The following PCDH15 variants were observed in gnomAD, a reference collection of about 807,000 sequenced individuals.
PCDH15 encodes the protein protocadherin related 15.
A neutral mutation model predicts 178.5 loss-of-function variants in PCDH15; 129 were observed. That is an observed-to-expected ratio of 0.72 (90% CI 0.63 to 0.84). The LOEUF is 0.84. Ranked by LOEUF, PCDH15 falls within the 40% of genes least tolerant of loss-of-function variation. The probability of loss-of-function intolerance (pLI) is 0.00; values close to 1 mark genes in which losing one functional copy is unlikely to be tolerated. For synonymous variants in PCDH15, 800 were observed against 732.0 expected (o/e 1.09, Z -1.50); for missense variants, 2,230 against 2,099.9 (o/e 1.06, Z -1.21).
At chr10:53,827,824 G>A (rs2076783510) in intron 31 of PCDH15, among the ~76,000 whole-genome samples, 1 of 152,072 alleles carries the variant, frequency 6.6e-6, no homozygotes, top group Non-Finnish European at 1.5e-5. Flanking sequence ...TAATCTTAGA[G>A]AAAGCAAAAT....
chr10:53,861,553 C>T (rs2079108531), intron 27 of PCDH15, among the ~76,000 whole-genome samples: 1 of 151,974 alleles, frequency 6.6e-6, no homozygotes, highest in Non-Finnish European at 1.5e-5. Flanking sequence ...ACAATGTGAG[C>T]CACGAATACA....
intron 3 of PCDH15, among the ~76,000 whole-genome samples, chr10:54,847,269 G>A (rs964356742): frequency 9.2e-5 from 14 of 152,028 alleles, no homozygotes; most frequent in African/African-American, 3.1e-4. Context: ...AACTTCACAT[G>A]TTTTAAATGA....
intron 2 of PCDH15, among the ~76,000 whole-genome samples, chr10:55,039,179 G>A (rs948114751): frequency 6.6e-6 from 1 of 151,778 alleles, no homozygotes; most frequent in African/African-American, 2.4e-5. Flanking sequence ...GAAAAAACAT[G>A]TAAATCTCTC....
intron 25 of PCDH15, among the ~76,000 whole-genome samples, chr10:53,913,246 A>G (rs988352560): frequency 6.6e-6 from 1 of 152,198 alleles, no homozygotes; most frequent in African/African-American, 2.4e-5. Flanking sequence ...ATATGTAGAA[A>G]GCTGAAACTG....
At chr10:55,216,607 C>G (rs1441339551) in intron 1 of PCDH15, among the ~76,000 whole-genome samples, 1 of 150,894 alleles carries the variant, frequency 6.6e-6, no homozygotes, top group East Asian at 1.9e-4. Context: ...GTTCTCATCA[C>G]AAAAAAAATG....
At chr10:54,613,325 A>G (rs561859228) in intron 2 of PCDH15, among the ~76,000 whole-genome samples, 1 of 152,046 alleles carries the variant, frequency 6.6e-6, no homozygotes, top group South Asian at 2.1e-4. Flanking sequence ...TGAATGAGGA[A>G]AAGAAAGACA....
chr10:54,346,779 GAA>G (rs1943364058), intron 5 of PCDH15, among the ~76,000 whole-genome samples: 2 of 152,186 alleles, frequency 1.3e-5, no homozygotes, highest in African/African-American at 4.8e-5. Flanking sequence ...CTCCTGTGGA[GAA>G]ACTGCATCTG....
intron 1 of PCDH15, among the ~76,000 whole-genome samples, chr10:54,760,365 C>A (rs960272461): frequency 7.2e-6 from 1 of 138,120 alleles, no homozygotes; most frequent in African/African-American, 2.6e-5. Context: ...CTGGATAACA[C>A]AACATATATA....
chr10:55,206,150 C>G (rs780492676), intron 1 of PCDH15, among the ~76,000 whole-genome samples: 45 of 152,110 alleles, frequency 3.0e-4, no homozygotes, highest in Admixed American at 1.9e-3. Context: ...ACACATTATA[C>G]AACCCTCCTA....
intron 2 of PCDH15, among the ~76,000 whole-genome samples, chr10:54,629,937 T>C (rs1259728900): frequency 6.6e-6 from 1 of 152,098 alleles, no homozygotes; most frequent in African/African-American, 2.4e-5. Flanking sequence ...AGCATTTCTA[T>C]ACACCAATAA....
intron 3 of PCDH15, among the ~76,000 whole-genome samples, chr10:54,393,780 G>A (rs2135364600): frequency 6.6e-6 from 1 of 152,150 alleles, no homozygotes; most frequent in Middle Eastern, 3.4e-3. Context: ...TCACTTTTTA[G>A]GGAAAAAAGA....
At chr10:54,703,793 T>C (rs2095338316) in intron 1 of PCDH15, among the ~76,000 whole-genome samples, 1 of 151,722 alleles carries the variant, frequency 6.6e-6, no homozygotes, top group Non-Finnish European at 1.5e-5. Flanking sequence ...AAAAGTGCAA[T>C]ACTTCCCAAA....
chr10:54,244,126 C>T (rs1208911863), intron 8 of PCDH15, among the ~76,000 whole-genome samples: 2 of 152,058 alleles, frequency 1.3e-5, no homozygotes, highest in Non-Finnish European at 2.9e-5. Context: ...ACAGAAAATA[C>T]CCTTGTTTTA....
Position 54,071,597 on chromosome 10 carries a change from T to C in PCDH15, c.2092-4712A>G, listed in dbSNP as rs1911416. On this transcript the variant is annotated intron_variant, in intron 17 of 37. Coordinates refer to ENST00000644397, the MANE Select transcript of PCDH15 (RefSeq NM_001384140.1). ...TAGCACAGCCATTTGTTTTGTGCTA[T>C]TACATTTATATTAGATGATTGAAAT... 5.0e-4 allele frequency among the ~76,000 whole-genome samples: 76 copies of C among 152,294 alleles called. 1 individual carries two copies. Among genetic ancestry groups the C allele is most frequent in the African/African-American group, 1.7e-3 (70 of 41,578 alleles).
At chr10:55,593,820 T>G (rs1293308443) in intron 2 of PCDH15, among the ~76,000 whole-genome samples, 1 of 151,810 alleles carries the variant, frequency 6.6e-6, no homozygotes, top group Non-Finnish European at 1.5e-5. Flanking sequence ...GGGATCTAAT[T>G]ACCATTAGAT....
In PCDH15 at chr10:54,066,875, G is replaced by T. The variant is rs199537178; in HGVS notation, c.2102C>A (p.Ala701Asp). 3 of 1,613,178 alleles carry T rather than the reference G, an allele frequency of 1.9e-6. No homozygotes were observed. The highest frequency in any genetic ancestry group is 3.3e-5 in the Admixed American group (2 of 60,012). ...ATCTGTCACCACTATGTTTACTGTG[G>T]CAGTTGAGGTCTTAAAGAAAAACAC... The part of the protein sequence containing the change: ...SDGRPDGTST[A>D]TVNIVVTDVN... The change falls in exon 18 of 38, where the codon GCC becomes GAC. Residue 701 changes from alanine (A) to aspartate (D), a missense_variant. Coordinates refer to ENST00000644397, the MANE Select transcript of PCDH15 (RefSeq NM_001384140.1).
intron 2 of PCDH15, among the ~76,000 whole-genome samples, chr10:55,529,741 GTATATATATATATATATATA>G (rs56254743): frequency 1.6e-4 from 10 of 62,758 alleles, no homozygotes; most frequent in South Asian, 7.4e-4. Flanking sequence ...TTGTCTGTGA[GTATATATATATATATATATA>G]TATATATATA....
intron 2 of PCDH15, among the ~76,000 whole-genome samples, chr10:54,561,527 T>G (rs2088153802): frequency 6.6e-6 from 1 of 152,158 alleles, no homozygotes; most frequent in Admixed American, 6.6e-5. Context: ...AATTGTTTTC[T>G]TTTGTTGGTT....
chr10:55,528,747 T>A (rs1457987768), intron 2 of PCDH15, among the ~76,000 whole-genome samples: 1 of 152,180 alleles, frequency 6.6e-6, no homozygotes, highest in Non-Finnish European at 1.5e-5. Context: ...TACCCAGTAT[T>A]GAGACGGCTG....
Sources: allele counts gnomAD v4.1 joint callset (sites outside exome capture counted in the v4.1 genomes callset), GRCh38; gene constraint gnomAD v4.1.1; transcripts MANE v1.5; gene names NCBI Gene and HGNC (gene_info 2026-07-23, HGNC 2026-07-21).